CEMIP2: variants seen among roughly 807,000 people sequenced by gnomAD.
CEMIP2 encodes the protein cell surface hyaluronidase CEMIP2.
A neutral mutation model predicts 146.9 loss-of-function variants in CEMIP2; 79 were observed. The ratio of observed to expected loss-of-function variants is 0.54; its 90% CI spans 0.45 to 0.65. The LOEUF (loss-of-function observed/expected upper bound fraction) is 0.65. Among genes scored for constraint, CEMIP2 ranks in the 30% least tolerant of loss-of-function variants. CEMIP2 has a pLI of 0.00. For missense variants in CEMIP2, 1,596 were observed against 1,696.2 expected, an observed-to-expected ratio of 0.94 and a Z score of 1.04; for synonymous variants, 601 against 606.3, an observed-to-expected ratio of 0.99 and a Z score of 0.13.
Position 71,698,008 on chromosome 9 carries a change from A to G in CEMIP2, c.3574T>C (p.Cys1192Arg). 1 of 1,614,142 alleles carries G rather than the reference A, an allele frequency of 6.2e-7. No individual in the cohort carries two copies. Among genetic ancestry groups the G allele is most frequent in the Non-Finnish European group, 8.5e-7 (1 of 1,180,014 alleles). ...ACCTGCCGAGTGCCACAGCCTTGAC[A>G]GAGTCCAGTGAGCATGGCCGGCATC... ...KRMPAMLTGL[C>R]QGCGTRQVVF... The change falls in exon 20 of 24, where the codon TGT (cysteine) becomes CGT (arginine). Residue 1192 changes from cysteine (C) to arginine (R), a missense_variant. Coordinates refer to ENST00000377044, the MANE Select transcript of CEMIP2 (RefSeq NM_013390.3).
At chr9:71,687,915 G>T (rs7031171) in intron 22 of CEMIP2, among the ~76,000 whole-genome samples, 1,884 of 152,264 alleles carry the variant, frequency 0.012, 49 homozygotes, top group African/African-American at 0.043. Context: ...GGAATGCAGT[G>T]ATGCAAGTAT....
Position 71,740,136 on chromosome 9 carries a change from A to G in CEMIP2, c.1131T>C (p.Ala377=), listed in dbSNP as rs1564019351. Residue 377 remains alanine, a synonymous_variant, in exon 5 of 24, where the codon GCT becomes GCC. Transcript: ENST00000377044. ...NYENHSSGGK[A]LAQREFYTVD... ...CAGTATAAAATTCTCTTTGGGCAAGAGCCTTCCCGCCACTGCTATGATTTT... is the reference window on the plus strand; with the variant it reads ...CAGTATAAAATTCTCTTTGGGCAAGGGCCTTCCCGCCACTGCTATGATTTT... 1.2e-6 allele frequency: 2 copies of G among 1,614,098 alleles called. No homozygotes were observed. The highest frequency in any genetic ancestry group is 8.5e-7 in the Non-Finnish European group (1 of 1,180,018).
At chr9:71,731,357 G>A (rs180935462) in intron 7 of CEMIP2, among the ~76,000 whole-genome samples, 7 of 152,276 alleles carry the variant, frequency 4.6e-5, no homozygotes, top group African/African-American at 1.7e-4. Context: ...GTGATCCAAA[G>A]TTTGAGCACT....
chr9:71,716,596 T>C (rs371660067), intron 13 of CEMIP2, 44 bp from the exon 14 acceptor site: 83 of 1,476,360 alleles, frequency 5.6e-5, no homozygotes, highest in Non-Finnish European at 7.5e-5. Flanking sequence ...TTTACCATAT[T>C]ATGTAAAAAG....
intron 7 of CEMIP2, 128 bp from the exon 8 acceptor site, chr9:71,731,042 G>A (rs757080593): frequency 4.0e-6 from 3 of 756,712 alleles, no homozygotes; most frequent in Non-Finnish European, 6.4e-6. Context: ...TTTGCATCCT[G>A]TTTTCCCAGA....
intron 5 of CEMIP2, among the ~76,000 whole-genome samples, chr9:71,738,539 G>A (rs1004406069): frequency 4.7e-5 from 7 of 149,478 alleles, no homozygotes; most frequent in Non-Finnish European, 1.0e-4. Flanking sequence ...ATTCAGTAAT[G>A]CTTTAGAAAA....
At chr9:71,755,922 T>A (rs1259121795) in intron 1 of CEMIP2, among the ~76,000 whole-genome samples, 1 of 134,168 alleles carries the variant, frequency 7.5e-6, no homozygotes, top group African/African-American at 3.0e-5. Context: ...ACTGCACCAC[T>A]GTACTCCAAC....
intron 20 of CEMIP2, among the ~76,000 whole-genome samples, chr9:71,695,720 C>T (rs903496828): frequency 5.9e-5 from 9 of 152,040 alleles, no homozygotes; most frequent in Admixed American, 3.9e-4. Context: ...GATCCCAAGT[C>T]GGAAGCTGGG....
intron 16 of CEMIP2, among the ~76,000 whole-genome samples, chr9:71,711,366 A>C (rs1822898847): frequency 6.6e-6 from 1 of 151,548 alleles, no homozygotes; most frequent in Admixed American, 6.6e-5. Context: ...GTTAAAGACC[A>C]GCCCAGGCTA....
chr9:71,725,861 C>T (rs1219796717), intron 10 of CEMIP2, 152 bp from the exon 11 acceptor site: 17 of 772,134 alleles, frequency 2.2e-5, no homozygotes, highest in Non-Finnish European at 3.3e-5. Flanking sequence ...AAAAGTTGTA[C>T]ACACGTCTCA....
At chr9:71,729,488 A>G (rs1300977663) in intron 10 of CEMIP2, among the ~76,000 whole-genome samples, 3 of 151,982 alleles carry the variant, frequency 2.0e-5, no homozygotes, top group Non-Finnish European at 4.4e-5. Flanking sequence ...GCGTGGTAGC[A>G]GGCGCCTGTG....
chr9:71,743,652 T>C (rs1167951825), intron 4 of CEMIP2, among the ~76,000 whole-genome samples: 1 of 152,178 alleles, frequency 6.6e-6, no homozygotes, highest in Non-Finnish European at 1.5e-5. Context: ...TCTCACTGTA[T>C]GATCATCATC....
chr9:71,712,015 CT>C, intron 16 of CEMIP2, 67 bp downstream of exon 16: 1 of 1,543,322 alleles, frequency 6.5e-7, no homozygotes, highest in East Asian at 2.3e-5. Context: ...GCGTTTTTGT[CT>C]TTGGGAATGT....
At chr9:71,689,948 C>A (rs770308782) in intron 22 of CEMIP2, 144 bp downstream of exon 22, 18 of 985,450 alleles carry the variant, frequency 1.8e-5, no homozygotes, top group Non-Finnish European at 2.4e-5. Context: ...GGGCGTCAAT[C>A]TGAGGTAGGA....
Position 71,728,221 on chromosome 9 carries a change from CTCTCTCTCTCTA to C in CEMIP2, c.2049+1612_2049+1623del, listed in dbSNP as rs1418517769. On this transcript the variant is annotated intron_variant, in intron 10 of 23. Transcript: ENST00000377044. ...TCTCTCTCTCTCTCTCTCTCTCTCT[CTCTCTCTCTCTA>C]TATATATATATATATATGTATATAC... Among the ~76,000 whole-genome samples, 90 of 27,274 alleles carry C rather than the reference CTCTCTCTCTCTA, an allele frequency of 3.3e-3. 3 individuals carry two copies. Among genetic ancestry groups the C allele is most frequent in the Non-Finnish European group, 5.1e-3 (58 of 11,274 alleles). 17.9% of individuals were successfully genotyped at this position (27,274 alleles called of 152,430 possible).
At chr9:71,685,586 C>A (rs891731825) in intron 23 of CEMIP2, among the ~76,000 whole-genome samples, 157 bp downstream of exon 23, 1 of 152,110 alleles carries the variant, frequency 6.6e-6, no homozygotes, top group Non-Finnish European at 1.5e-5. Context: ...CATCCCAACA[C>A]ACTTCCTCTC....
rs1458252533 is a variant in CEMIP2 at position 71,728,288 on chromosome 9, TATATATATATATAC to T, written c.2049+1543_2049+1556del. On this transcript the variant is annotated intron_variant, in intron 10 of 23. Transcript: ENST00000377044. ...ATATATATATATATATATGTATATA[TATATATATATATAC>T]ATATATATATATATACGTATATATA... is the stretch of plus-strand genomic sequence containing the variant. Among the ~76,000 whole-genome samples the T allele has an allele frequency of 2.5e-4, 7 of 28,556 alleles. 3 individuals carry two copies. Among genetic ancestry groups the T allele is most frequent in the African/African-American group, 3.2e-4 (3 of 9,446 alleles). 18.7% of individuals were successfully genotyped at this position (28,556 alleles called of 152,430 possible).
At chr9:71,715,382 C>A (rs1422129469) in intron 14 of CEMIP2, among the ~76,000 whole-genome samples, 1 of 150,868 alleles carries the variant, frequency 6.6e-6, no homozygotes, top group South Asian at 2.1e-4. Context: ...TAGCTGGGAC[C>A]ACACATGCGT....
chr9:71,718,148 T>A, intron 12 of CEMIP2, 69 bp from the exon 13 acceptor site: 1 of 1,390,266 alleles, frequency 7.2e-7, no homozygotes, highest in Non-Finnish European at 9.6e-7. Context: ...GTTATAAGTT[T>A]AAGTGTCAAG....
Sources: allele counts gnomAD v4.1 joint callset (sites outside exome capture counted in the v4.1 genomes callset), GRCh38; gene constraint gnomAD v4.1.1; transcripts MANE v1.5; gene names NCBI Gene and HGNC (gene_info 2026-07-23, HGNC 2026-07-21).